HDAC8: variants seen among roughly 807,000 people sequenced by gnomAD.
HDAC8 encodes the protein histone deacetylase 8, also known as histone deacetylase-like 1.
HDAC8 carries 1 observed loss-of-function variant against 32.2 expected under a neutral mutation model. The ratio of observed to expected loss-of-function variants is 0.03; its 90% CI spans 0.01 to 0.15. HDAC8 has a LOEUF of 0.15. HDAC8 is among the 10% of genes least tolerant of loss of function. The pLI is 1.00. For missense variants in HDAC8, 117 were observed against 300.0 expected, an observed-to-expected ratio of 0.39 and a Z score of 4.51; for synonymous variants, 108 against 113.9, an observed-to-expected ratio of 0.95 and a Z score of 0.33.
chrX:72,489,078 A>C, intron 6 of HDAC8, 37 bp from the exon 7 acceptor site: 1 of 960,746 alleles, frequency 1.0e-6, no homozygotes, highest in Non-Finnish European at 1.4e-6. Context: ...AGTTATTAGG[A>C]ACATGAGAAC....
At chrX:72,541,088 A>G (rs950109320) in intron 4 of HDAC8, among the ~76,000 whole-genome samples, 1 of 111,391 alleles carries the variant, frequency 9.0e-6, no homozygotes, top group African/African-American at 3.3e-5. Context: ...TAACAAGTAG[A>G]TTAGGTAATT....
chrX:72,416,646 T>C (rs937833268), intron 9 of HDAC8, among the ~76,000 whole-genome samples: 18 of 107,024 alleles, frequency 1.7e-4, no homozygotes, highest in African/African-American at 4.7e-4. Flanking sequence ...GATCTGAGAC[T>C]ATCCTCTTTT....
intron 9 of HDAC8, among the ~76,000 whole-genome samples, chrX:72,418,424 A>G (rs1432915680): frequency 8.9e-6 from 1 of 112,076 alleles, no homozygotes; most frequent in African/African-American, 3.2e-5. Flanking sequence ...TAACAAACAT[A>G]GGAAAAAATG....
chrX:72,507,285 TGAG>T (rs2049426223), intron 4 of HDAC8, among the ~76,000 whole-genome samples: 1 of 112,036 alleles, frequency 8.9e-6, no homozygotes, highest in African/African-American at 3.2e-5. Flanking sequence ...CAAGAGTCCT[TGAG>T]AGACTATTTC....
At chrX:72,487,420 A>C (rs1456087281) in intron 7 of HDAC8, among the ~76,000 whole-genome samples, 1 of 111,574 alleles carries the variant, frequency 9.0e-6, no homozygotes, top group African/African-American at 3.3e-5. Flanking sequence ...AAAATCCTCA[A>C]GTCTACAGAT....
chrX:72,567,580 T>C (rs2051844351), intron 4 of HDAC8: 1 of 483,446 alleles, frequency 2.1e-6, no homozygotes, highest in African/African-American at 2.4e-5. Flanking sequence ...TTAGAGACTG[T>C]CTAGTTGTAT....
chrX:72,490,845 A>T, intron 6 of HDAC8, 84 bp downstream of exon 6: 1 of 771,664 alleles, frequency 1.3e-6, no homozygotes, highest in Non-Finnish European at 2.0e-6. Flanking sequence ...CATTAACAGC[A>T]TGGAACTGTC....
chrX:72,532,816 C>T lies in HDAC8; in HGVS notation c.437+35073G>A, dbSNP rs1190714141. Among the ~76,000 whole-genome samples the T allele has an allele frequency of 3.6e-5, 4 of 111,619 alleles. No homozygotes were observed. The East Asian group carries it at 8.4e-4, about 23-fold the overall frequency. On this transcript the variant is annotated intron_variant, in intron 4 of 10. Coordinates refer to ENST00000373573, the MANE Select transcript of HDAC8 (RefSeq NM_018486.3). ...TTATTTTCAAATATTTTCTCCCATTCTATGGATTATCTTTCTACTTACTTG... is the reference window on the plus strand; with the variant it reads ...TTATTTTCAAATATTTTCTCCCATTTTATGGATTATCTTTCTACTTACTTG...
At position 72,524,070 on chromosome X, in the gene HDAC8, C is replaced by T. The variant is rs1391247542; in HGVS notation, c.438-28802G>A. 3.6e-5 allele frequency among the ~76,000 whole-genome samples: 4 copies of T among 112,329 alleles called. No homozygotes were observed. The East Asian group carries it at 1.1e-3, about 31-fold the overall frequency. On this transcript the variant is annotated intron_variant, in intron 4 of 10. Coordinates refer to ENST00000373573, the MANE Select transcript of HDAC8 (RefSeq NM_018486.3). The stretch of plus-strand genomic sequence containing the variant: ...CCATTCATTCCAATATTGTCTATGG[C>T]TGCTTTAACACTGCCACAGCAAAGC...
At chrX:72,381,670 T>A (rs183880740) in intron 9 of HDAC8, among the ~76,000 whole-genome samples, 9 of 112,284 alleles carry the variant, frequency 8.0e-5, no homozygotes, top group Non-Finnish European at 1.5e-4. Context: ...TGGGTCATTC[T>A]GAAAGGGTAG....
chrX:72,451,638 T>C (rs1030779545), intron 9 of HDAC8, among the ~76,000 whole-genome samples: 2 of 112,790 alleles, frequency 1.8e-5, no homozygotes, highest in Non-Finnish European at 3.7e-5. Context: ...AAACTGTAAA[T>C]GTAGAATTTA....
At chrX:72,417,307 A>T (rs1225245799) in intron 9 of HDAC8, among the ~76,000 whole-genome samples, 2 of 111,677 alleles carry the variant, frequency 1.8e-5, no homozygotes, top group Non-Finnish European at 3.8e-5. Flanking sequence ...CTGTTTGCAG[A>T]TGATATGATT....
intron 4 of HDAC8, among the ~76,000 whole-genome samples, chrX:72,553,680 C>T (rs1016283570): frequency 8.9e-6 from 1 of 111,765 alleles, no homozygotes; most frequent in Non-Finnish European, 1.9e-5. Context: ...CATGCACACT[C>T]AAATCCCACA....
At chrX:72,384,299 G>A (rs1363359918) in intron 9 of HDAC8, among the ~76,000 whole-genome samples, 1 of 112,092 alleles carries the variant, frequency 8.9e-6, no homozygotes, top group African/African-American at 3.2e-5. Context: ...TAAAGAGTTG[G>A]CTCCACAGCT....
intron 9 of HDAC8, among the ~76,000 whole-genome samples, chrX:72,450,722 G>A (rs782780906): frequency 1.8e-5 from 2 of 110,389 alleles, no homozygotes; most frequent in South Asian, 7.5e-4. Flanking sequence ...AGCCTGGAGA[G>A]AAAAAAACTG....
At chrX:72,452,466 AC>A (rs2047596785) in intron 9 of HDAC8, among the ~76,000 whole-genome samples, 1 of 111,440 alleles carries the variant, frequency 9.0e-6, no homozygotes, top group Non-Finnish European at 1.9e-5. Flanking sequence ...AAACAAACAA[AC>A]AAACAAAAAC....
chrX:72,426,210 G>T (rs1464199688), intron 9 of HDAC8, among the ~76,000 whole-genome samples: 1 of 112,205 alleles, frequency 8.9e-6, no homozygotes, highest in Non-Finnish European at 1.9e-5. Context: ...TTGAGGTGAG[G>T]ATACATTTAG....
At chrX:72,488,908 T>C in intron 7 of HDAC8, 25 bp downstream of exon 7, 7 of 958,105 alleles carry the variant, frequency 7.3e-6, no homozygotes, top group Non-Finnish European at 7.3e-6. Flanking sequence ...AATCCACTTA[T>C]TACTGGCTAG....
At chrX:72,376,097 C>T (rs988560615) in intron 9 of HDAC8, among the ~76,000 whole-genome samples, 4 of 108,847 alleles carry the variant, frequency 3.7e-5, no homozygotes, top group African/African-American at 1.0e-4. Context: ...TTTTTTGAGA[C>T]GAGGTCTCAC....
Sources: allele counts gnomAD v4.1 joint callset (sites outside exome capture counted in the v4.1 genomes callset), GRCh38; gene constraint gnomAD v4.1.1; transcripts MANE v1.5; gene names NCBI Gene and HGNC (gene_info 2026-07-23, HGNC 2026-07-21).